The following ATP8B4 variants were observed in gnomAD, a reference collection of about 807,000 sequenced individuals.
ATP8B4 encodes probable phospholipid-transporting ATPase IM.
A neutral mutation model predicts 145.6 loss-of-function variants in ATP8B4; 133 were observed. The observed-to-expected ratio is 0.91, with a 90% CI of 0.79 to 1.05. The LOEUF (loss-of-function observed/expected upper bound fraction) is 1.05. Among genes scored for constraint, ATP8B4 ranks in the 50% least tolerant of loss-of-function variants. The pLI, the probability that ATP8B4 is intolerant of heterozygous loss-of-function variation, is 0.00. For synonymous variants in ATP8B4, 507 were observed against 492.9 expected, an observed-to-expected ratio of 1.03 and a Z score of -0.38; for missense variants, 1,458 against 1,425.2, an observed-to-expected ratio of 1.02 and a Z score of -0.37.
intron 14 of ATP8B4, among the ~76,000 whole-genome samples, chr15:49,945,945 AG>A (rs919729374): frequency 4.6e-5 from 7 of 152,190 alleles, no homozygotes; most frequent in African/African-American, 1.7e-4. Context: ...AGAACATGGC[AG>A]GGATGCCCAT....
chr15:49,989,738 T>C (rs1380991431), intron 9 of ATP8B4, among the ~76,000 whole-genome samples: 1 of 151,920 alleles, frequency 6.6e-6, no homozygotes, highest in Non-Finnish European at 1.5e-5. Flanking sequence ...AACAAAATGG[T>C]GGGAACAAAG....
intron 20 of ATP8B4, among the ~76,000 whole-genome samples, chr15:49,903,787 G>A (rs1224510853): frequency 6.6e-6 from 1 of 152,104 alleles, no homozygotes; most frequent in Non-Finnish European, 1.5e-5. Context: ...CTAGCTACTC[G>A]GGAGGCTGAG....
chr15:49,907,906 T>C (rs2038796786), intron 20 of ATP8B4: 1 of 371,422 alleles, frequency 2.7e-6, no homozygotes, highest in African/African-American at 2.1e-5. Flanking sequence ...ACTATATTTT[T>C]AGGTTAATTA....
chr15:50,060,801 A>G (rs1445352123), intron 3 of ATP8B4, among the ~76,000 whole-genome samples: 2 of 152,246 alleles, frequency 1.3e-5, no homozygotes, highest in Middle Eastern at 3.4e-3. Flanking sequence ...GGGGCCCGAG[A>G]GTCTGCATTT....
At chr15:50,017,351 T>C (rs987405108) in intron 6 of ATP8B4, among the ~76,000 whole-genome samples, 1 of 152,202 alleles carries the variant, frequency 6.6e-6, no homozygotes, top group African/African-American at 2.4e-5. Flanking sequence ...ATGAAGAACA[T>C]ATTTTGATTT....
intron 3 of ATP8B4, 95 bp downstream of exon 3, chr15:50,074,032 T>A: frequency 9.3e-7 from 1 of 1,079,056 alleles, no homozygotes; most frequent in Non-Finnish European, 1.3e-6. Context: ...TGAAGAAAGT[T>A]TTTGGTGAAG....
chr15:49,873,088 C>G (rs2033897461), intron 25 of ATP8B4, among the ~76,000 whole-genome samples: 1 of 152,124 alleles, frequency 6.6e-6, no homozygotes, highest in African/African-American at 2.4e-5. Context: ...CATTATTTCC[C>G]AAGCAACAAA....
chr15:49,868,107 C>T (rs984131494), intron 25 of ATP8B4, among the ~76,000 whole-genome samples: 2 of 152,098 alleles, frequency 1.3e-5, no homozygotes, highest in Non-Finnish European at 2.9e-5. Flanking sequence ...TCTGTGATAA[C>T]AAATAGCATA....
intron 1 of ATP8B4, among the ~76,000 whole-genome samples, chr15:50,179,906 C>G (rs749175522): frequency 6.6e-6 from 1 of 152,190 alleles, no homozygotes; most frequent in Non-Finnish European, 1.5e-5. Context: ...CATCTATTAA[C>G]CTCGTGATAA....
At chr15:49,917,060 A>G (rs771727829) in intron 19 of ATP8B4, 21 bp from the exon 20 acceptor site, 2 of 1,606,784 alleles carry the variant, frequency 1.2e-6, no homozygotes, top group Non-Finnish European at 1.7e-6. Flanking sequence ...ATAAAGCCCA[A>G]TTCAGTTAAA....
intron 15 of ATP8B4, among the ~76,000 whole-genome samples, chr15:49,933,156 C>A (rs2041418270): frequency 6.6e-6 from 1 of 151,216 alleles, no homozygotes. Flanking sequence ...TATACAACAA[C>A]AACAAGTAAA....
Position 49,981,193 on chromosome 15 carries a change from T to C in ATP8B4, c.837+13A>G. 1 of 1,554,734 alleles carries C rather than the reference T, an allele frequency of 6.4e-7. No homozygotes were observed. The highest frequency in any genetic ancestry group is 2.3e-5 in the East Asian group (1 of 44,408). Reference sequence around the variant, plus strand: ...AACAATGACTAGTGATATTGCCTAGTTTTGTAACTTACCCATAGTACTAGA... The same window carrying C: ...AACAATGACTAGTGATATTGCCTAGCTTTGTAACTTACCCATAGTACTAGA... On this transcript the variant is annotated intron_variant, in intron 11 of 27. Coordinates refer to ENST00000284509, the MANE Select transcript of ATP8B4 (RefSeq NM_024837.4).
At chr15:49,918,735 T>C (rs1001245529) in intron 19 of ATP8B4, 104 bp downstream of exon 19, 4 of 781,386 alleles carry the variant, frequency 5.1e-6, no homozygotes, top group African/African-American at 1.8e-5. Context: ...ATGTGGAAGA[T>C]TGGGTGAATA....
intron 2 of ATP8B4, among the ~76,000 whole-genome samples, chr15:50,093,686 CTAAA>C (rs1323851092): frequency 5.3e-5 from 8 of 151,842 alleles, no homozygotes; most frequent in African/African-American, 1.7e-4. Context: ...AGTAAGTAGA[CTAAA>C]TATTCTACTT....
chr15:50,154,294 T>C (rs921276090), intron 1 of ATP8B4, among the ~76,000 whole-genome samples: 2 of 152,154 alleles, frequency 1.3e-5, no homozygotes, highest in Non-Finnish European at 2.9e-5. Context: ...TAATAACCCA[T>C]GACTTTTTTT....
At chr15:50,057,162 G>A (rs898043468) in intron 3 of ATP8B4, among the ~76,000 whole-genome samples, 14 of 152,272 alleles carry the variant, frequency 9.2e-5, no homozygotes, top group African/African-American at 2.4e-4. Flanking sequence ...GCACATAATG[G>A]AGAACATATA....
intron 4 of ATP8B4, among the ~76,000 whole-genome samples, chr15:50,045,809 G>C (rs912592533): frequency 5.3e-5 from 8 of 152,088 alleles, no homozygotes; most frequent in Non-Finnish European, 1.2e-4. Flanking sequence ...AAAATTCTAT[G>C]AACAAGAGCC....
chr15:50,000,268 C>T (rs2153559423), intron 8 of ATP8B4, among the ~76,000 whole-genome samples: 2 of 152,242 alleles, frequency 1.3e-5, no homozygotes, highest in South Asian at 2.1e-4. Flanking sequence ...TAAGAAACTA[C>T]AAAACCATTT....
chr15:50,127,137 CA>C (rs1376280011), intron 1 of ATP8B4, among the ~76,000 whole-genome samples: 1 of 152,162 alleles, frequency 6.6e-6, no homozygotes, highest in African/African-American at 2.4e-5. Flanking sequence ...CTTTTTAGGT[CA>C]AACCAATAGC....
Sources: allele counts gnomAD v4.1 joint callset (sites outside exome capture counted in the v4.1 genomes callset), GRCh38; gene constraint gnomAD v4.1.1; transcripts MANE v1.5; gene names NCBI Gene and HGNC (gene_info 2026-07-23, HGNC 2026-07-21).